DLG5: variants seen among roughly 807,000 people sequenced by gnomAD.
DLG5 encodes discs large MAGUK scaffold protein 5.
A neutral mutation model predicts 189.8 loss-of-function variants in DLG5; 48 were observed. That is an observed-to-expected ratio of 0.25 (90% CI 0.20 to 0.32). The LOEUF is 0.32. Among genes scored for constraint, DLG5 ranks in the 10% least tolerant of loss-of-function variants. DLG5 has a pLI of 1.00. For synonymous variants in DLG5, 1,016 were observed against 1,054.1 expected (o/e 0.96, Z 0.70); for missense variants, 2,160 against 2,544.7 (o/e 0.85, Z 3.25).
chr10:77,806,809 A>T lies in DLG5; in HGVS notation c.4916T>A (p.Leu1639Gln), dbSNP rs1841500497. The T allele has an allele frequency of 6.2e-7, 1 of 1,610,486 alleles. No homozygotes were observed. The highest frequency in any genetic ancestry group is 8.5e-7 in the Non-Finnish European group (1 of 1,178,410). Residue 1639 changes from leucine to glutamine, a missense_variant, in exon 26 of 32, where the codon CTG becomes CAG. Physicochemically the swap from Leu to Gln is moderately radical, Grantham distance 113 (BLOSUM62 -2). Coordinates refer to ENST00000372391, the MANE Select transcript of DLG5 (RefSeq NM_004747.4). ...CTGGATCTTCTGGGCATTCTCGTCC[A>T]GCTGCCAAGCCATCCAGGACCCGAA... ...GTFGSWMAWQLDENAQKIQRG... is the reference protein window; with the variant it reads ...GTFGSWMAWQQDENAQKIQRG...
intron 1 of DLG5, among the ~76,000 whole-genome samples, chr10:77,890,593 G>A (rs2004382): frequency 6.6e-6 from 1 of 152,054 alleles, no homozygotes; most frequent in Non-Finnish European, 1.5e-5. Flanking sequence ...GAGGCATGCA[G>A]ATCACCTGAG....
chr10:77,810,476 C>T (rs1286136806), intron 23 of DLG5, among the ~76,000 whole-genome samples: 1 of 152,244 alleles, frequency 6.6e-6, no homozygotes, highest in East Asian at 1.9e-4. Flanking sequence ...ACACCATGGC[C>T]TGGATGGCCC....
chr10:77,811,759 A>G (rs566404758), intron 22 of DLG5, among the ~76,000 whole-genome samples, 165 bp downstream of exon 22: 5 of 152,196 alleles, frequency 3.3e-5, no homozygotes, highest in African/African-American at 1.2e-4. Context: ...GCCTCTCTAT[A>G]TATGCCCCTT....
In DLG5 at chr10:77,910,701, G is replaced by A. The variant is rs371219200; in HGVS notation, c.304+15516C>T. 2.6e-5 allele frequency among the ~76,000 whole-genome samples: 4 copies of A among 152,312 alleles called. No individual in the cohort carries two copies. The East Asian group carries it at 5.8e-4, about 22-fold the overall frequency. Reference sequence around the variant, plus strand: ...CCTTAAGAAATGTAGGCCGGGCGTCGTGGTTCACATCTGTAATCCCAGCAC... The same window carrying A: ...CCTTAAGAAATGTAGGCCGGGCGTCATGGTTCACATCTGTAATCCCAGCAC... On this transcript the variant is annotated intron_variant, in intron 1 of 31. Transcript: ENST00000372391.
intron 27 of DLG5, among the ~76,000 whole-genome samples, chr10:77,804,462 C>T (rs947491431): frequency 9.9e-5 from 15 of 152,278 alleles, no homozygotes; most frequent in African/African-American, 3.4e-4. Flanking sequence ...CTCCCTAGGC[C>T]TAAGGTCTTC....
At chr10:77,856,172 C>G (rs925908109) in intron 3 of DLG5, among the ~76,000 whole-genome samples, 3 of 151,836 alleles carry the variant, frequency 2.0e-5, no homozygotes, top group African/African-American at 7.3e-5. Flanking sequence ...AAGAAAGACC[C>G]TGCTGCTACA....
chr10:77,844,670 CAGAT>C (rs1246029046), intron 5 of DLG5, among the ~76,000 whole-genome samples: 19 of 152,214 alleles, frequency 1.2e-4, no homozygotes, highest in African/African-American at 4.6e-4. Context: ...TGTGGACACA[CAGAT>C]AGGCCAAATA....
At position 77,843,696 on chromosome 10, in the gene DLG5, T is replaced by C. The variant is rs1843543165; in HGVS notation, c.875A>G (p.His292Arg). The C allele has an allele frequency of 6.2e-7, 1 of 1,614,032 alleles. No homozygotes were observed. Among genetic ancestry groups the C allele is most frequent in the South Asian group, 1.1e-5 (1 of 91,082 alleles). ...GTTGAGAATCTCGGATGACCCGTTG[T>C]GCTTCAACACCTGGAGACCAGACAG... ...LRAQQQQVLK[H>R]NGSSEILNKL... is the part of the protein sequence containing the mutation. Residue 292 changes from histidine to arginine, a missense_variant, in exon 6 of 32, where the codon CAC (histidine) becomes CGC (arginine). Around this residue, in one of 5 missense-constraint regions of DLG5, gnomAD observed 664 missense variants for 838.5 expected, o/e 0.79. Coordinates refer to ENST00000372391, the MANE Select transcript of DLG5 (RefSeq NM_004747.4).
chr10:77,879,056 CG>C (rs1340629006), intron 1 of DLG5, among the ~76,000 whole-genome samples: 1 of 152,036 alleles, frequency 6.6e-6, no homozygotes, highest in Non-Finnish European at 1.5e-5. Flanking sequence ...GTGACAGGGG[CG>C]GGGGAGAAAT....
chr10:77,901,353 G>C (rs1845921544), intron 1 of DLG5, among the ~76,000 whole-genome samples: 1 of 152,200 alleles, frequency 6.6e-6, no homozygotes, highest in Non-Finnish European at 1.5e-5. Flanking sequence ...CGTCAGAGCA[G>C]ACTTGACCTT....
At chr10:77,854,447 G>T in intron 3 of DLG5, 77 bp from the exon 4 acceptor site, 1 of 1,576,090 alleles carries the variant, frequency 6.3e-7, no homozygotes, top group Non-Finnish European at 8.6e-7. Flanking sequence ...TCCTGGATTA[G>T]GCCAGCCCAG....
intron 13 of DLG5, 40 bp from the exon 14 acceptor site, chr10:77,824,516 C>A (rs41306534): frequency 2.6e-6 from 4 of 1,524,230 alleles, no homozygotes; most frequent in African/African-American, 2.7e-5. Flanking sequence ...ACAGGCAGAG[C>A]GGCCTCAGGC....
intron 7 of DLG5, among the ~76,000 whole-genome samples, chr10:77,841,378 G>GC (rs1469437176): frequency 2.0e-5 from 3 of 152,314 alleles, no homozygotes; most frequent in African/African-American, 7.2e-5. Context: ...GTTGGGCTCA[G>GC]CCTACTAGCA....
intron 5 of DLG5, among the ~76,000 whole-genome samples, chr10:77,846,095 A>G (rs1320483814): frequency 1.3e-5 from 2 of 152,164 alleles, no homozygotes; most frequent in Non-Finnish European, 2.9e-5. Context: ...ACATACAAAA[A>G]TTAGCTGGGC....
chr10:77,835,589 C>T, intron 8 of DLG5, 149 bp downstream of exon 8: 1 of 784,624 alleles, frequency 1.3e-6, no homozygotes, highest in Non-Finnish European at 1.9e-6. Flanking sequence ...AAGGCTAGGG[C>T]ATCAACTAGG....
chr10:77,807,639 A>C (rs959057585), intron 25 of DLG5, among the ~76,000 whole-genome samples, 157 bp downstream of exon 25: 1 of 151,938 alleles, frequency 6.6e-6, no homozygotes, highest in African/African-American at 2.4e-5. Flanking sequence ...CAATCATCTC[A>C]ACATAAATAA....
chr10:77,921,435 C>T (rs1274667073), intron 1 of DLG5, among the ~76,000 whole-genome samples: 4 of 152,158 alleles, frequency 2.6e-5, no homozygotes, highest in Admixed American at 1.3e-4. Context: ...CAGGGTTATT[C>T]CCTTGGGGAA....
chr10:77,933,346 G>A, the DLG5 span, among the ~76,000 whole-genome samples: 1 of 151,874 alleles, frequency 6.6e-6, no homozygotes, highest in African/African-American at 2.4e-5. Flanking sequence ...GAGTGCAATG[G>A]CGTGATCTCA....
intron 2 of DLG5, among the ~76,000 whole-genome samples, chr10:77,857,982 T>C (rs1844317791): frequency 6.6e-6 from 1 of 152,192 alleles, no homozygotes; most frequent in African/African-American, 2.4e-5. Flanking sequence ...CTGATCCTTG[T>C]TGGTCAAATG....
Sources: allele counts gnomAD v4.1 joint callset (sites outside exome capture counted in the v4.1 genomes callset), GRCh38; gene constraint gnomAD v4.1.1; regional missense constraint gnomAD v4.1.1; transcripts MANE v1.5; gene names NCBI Gene and HGNC (gene_info 2026-07-23, HGNC 2026-07-21).